The following DCAF17 variants were observed in gnomAD, a reference collection of about 807,000 sequenced individuals.
DCAF17 encodes DDB1- and CUL4-associated factor 17.
In DCAF17, 48 loss-of-function variants were observed where a neutral mutation model predicts 66.0. The ratio of observed to expected loss-of-function variants is 0.73; its 90% CI spans 0.58 to 0.92. DCAF17 has a LOEUF of 0.92. DCAF17 is among the 40% of genes least tolerant of loss of function. The probability of loss-of-function intolerance (pLI) is 0.00; values close to 1 mark genes in which losing one functional copy is unlikely to be tolerated. For missense variants in DCAF17, 562 were observed against 622.8 expected, an observed-to-expected ratio of 0.90 and a Z score of 1.04; for synonymous variants, 206 against 214.6, an observed-to-expected ratio of 0.96 and a Z score of 0.35.
intron 13 of DCAF17, among the ~76,000 whole-genome samples, 183 bp from the exon 14 acceptor site, chr2:171,480,791 G>A (rs1486529078): frequency 1.3e-5 from 2 of 152,092 alleles, no homozygotes; most frequent in African/African-American, 4.8e-5. Flanking sequence ...ATATTTTGTA[G>A]AATGCCTTTT....
At position 171,434,717 on chromosome 2, in the gene DCAF17, G is replaced by A. The variant is rs992902410; in HGVS notation, c.126+14G>A. 1 of 1,446,330 alleles carries A rather than the reference G, an allele frequency of 6.9e-7. No individual in the cohort carries two copies. The highest frequency in any genetic ancestry group is 9.0e-7 in the Non-Finnish European group (1 of 1,110,066). 89.6% of individuals were successfully genotyped at this position (1,446,330 alleles called of 1,614,324 possible). A position where few individuals can be genotyped will look rare whatever the true frequency, so the allele number is the denominator to read the frequency against. ...CTGGTGTGCCAGGTGACCGCCAGCC[G>A]GCCGGGGCGGGACGGAGGGCCGCGG... On this transcript the variant is annotated intron_variant, in intron 1 of 13. Coordinates refer to ENST00000375255, the MANE Select transcript of DCAF17 (RefSeq NM_025000.4).
rs1001965149 is a variant in DCAF17 at position 171,483,883 on chromosome 2, G to C, written c.*2769G>C. 6.6e-6 allele frequency: 3 copies of C among 453,930 alleles called. No homozygotes were observed. Among genetic ancestry groups the C allele is most frequent in the Non-Finnish European group, 1.3e-5 (3 of 226,802 alleles). The allele number at this position is 453,930 out of a possible 1,614,324, so 28.1% of individuals were successfully genotyped here. A position where few individuals can be genotyped will look rare whatever the true frequency, so the allele number is the denominator to read the frequency against. The stretch of plus-strand genomic sequence containing the variant: ...AAACATAACCAGATTTGTTCGGCAT[G>C]AACTTGTGCCAAATTTCCTCCAAAG... On this transcript the variant is annotated 3_prime_UTR_variant, in exon 14 of 14. Transcript: ENST00000375255.
rs1345910935 is a variant in DCAF17, at chr2:171,484,803, A to G, written c.*3689A>G. 4.4e-6 allele frequency: 2 copies of G among 453,956 alleles called. No individual in the cohort carries two copies. The highest frequency in any genetic ancestry group is 4.0e-5 in the African/African-American group (2 of 49,998). 28.1% of individuals were successfully genotyped at this position (453,956 alleles called of 1,614,324 possible). On this transcript the variant is annotated 3_prime_UTR_variant, in exon 14 of 14. Coordinates refer to ENST00000375255, the MANE Select transcript of DCAF17 (RefSeq NM_025000.4). ...TCTCATTCTTTTATATCAAAGGTTA[A>G]ATTTACCTGTTCTAAACTTCATATG...
chr2:171,454,902 A>G (rs530170664), intron 6 of DCAF17, among the ~76,000 whole-genome samples: 1 of 151,706 alleles, frequency 6.6e-6, no homozygotes, highest in African/African-American at 2.4e-5. Flanking sequence ...AAAAGTTTGA[A>G]TTGCACAAGT....
In DCAF17 at chr2:171,458,400, G is replaced by T. The variant is rs1329555281; in HGVS notation, c.761G>T (p.Cys254Phe). The change falls in exon 8 of 14, where the codon TGT becomes TTT. Residue 254 changes from cysteine (C) to phenylalanine (F), a missense_variant. Physicochemically the swap from Cys to Phe is radical, Grantham distance 205. Transcript: ENST00000375255. ...ATGCAACAGAAACTTGACTTAGGGT[G>T]TGCATGCAGATGGGGTGGGACTACT... is the stretch of plus-strand genomic sequence containing the variant. ...QFMQQKLDLG[C>F]ACRWGGTTGT... 2 of 1,613,888 alleles carry T rather than the reference G, an allele frequency of 1.2e-6. No individual in the cohort carries two copies. The highest frequency in any genetic ancestry group is 1.7e-6 in the Non-Finnish European group (2 of 1,179,960).
At position 171,471,299 on chromosome 2, in the gene DCAF17, C is replaced by T. The variant is rs529845532; in HGVS notation, c.981+2269C>T. Among the ~76,000 whole-genome samples the T allele has an allele frequency of 5.9e-5, 9 of 152,176 alleles. No individual in the cohort carries two copies. The East Asian group carries it at 9.6e-4, about 16-fold the overall frequency. On this transcript the variant is annotated intron_variant, in intron 9 of 13. Transcript: ENST00000375255. ...GATAACTAAAAAAAATGTAAGCAGCCGAACTTAAGATTTCAGAAAATGTTT... is the reference window on the plus strand; with the variant it reads ...GATAACTAAAAAAAATGTAAGCAGCTGAACTTAAGATTTCAGAAAATGTTT...
chr2:171,434,375 C>A lies in DCAF17; in HGVS notation c.-203C>A. On this transcript the variant is annotated 5_prime_UTR_variant, in exon 1 of 14. Coordinates refer to ENST00000375255, the MANE Select transcript of DCAF17 (RefSeq NM_025000.4). Reference sequence around the variant, plus strand: ...AAGGGAGTGCTTCTTCCCTTCTCTCCGCGCTCTGGCGGTGCAAGCGGCTCT... The same window carrying A: ...AAGGGAGTGCTTCTTCCCTTCTCTCAGCGCTCTGGCGGTGCAAGCGGCTCT... 1 of 879,154 alleles carries A rather than the reference C, an allele frequency of 1.1e-6. No homozygotes were observed. 54.5% of individuals were successfully genotyped at this position (879,154 alleles called of 1,614,324 possible).
chr2:171,458,030 C>CAGACTGG lies in DCAF17; in HGVS notation c.687_688insAGACTGG (p.Ser230ArgfsTer10). Reference sequence around the variant, plus strand: ...ATGGAATACTGATTGTGATGTACAGCTCAGGACTGGTCAGACTCTATAGCT... The same window carrying CAGACTGG: ...ATGGAATACTGATTGTGATGTACAGCAGACTGGTCAGGACTGGTCAGACTCTATAGCT... On this transcript the variant is annotated frameshift_variant, in exon 7 of 14. Coordinates refer to ENST00000375255, the MANE Select transcript of DCAF17 (RefSeq NM_025000.4). LOFTEE classifies it high-confidence loss of function. 1 of 1,614,120 alleles carries CAGACTGG rather than the reference C, an allele frequency of 6.2e-7. No individual in the cohort carries two copies. Among genetic ancestry groups the CAGACTGG allele is most frequent in the Non-Finnish European group, 8.5e-7 (1 of 1,179,992 alleles).
Position 171,453,174 on chromosome 2 carries a change from A to G in DCAF17, c.588A>G (p.Leu196=). The G allele has an allele frequency of 1.2e-6, 2 of 1,613,310 alleles. No individual in the cohort carries two copies. The part of the protein sequence containing the change: ...VLLYLAVFRV[L]PFSLVGILEI... The stretch of plus-strand genomic sequence containing the variant: ...TGTACCTTGCAGTGTTCCGAGTTCT[A>G]CCTTTTTCACTTGTAGGGATTCTAG... The change falls in exon 6 of 14, where the codon CTA becomes CTG. Residue 196 remains leucine, a synonymous_variant. Transcript: ENST00000375255.
intron 8 of DCAF17, among the ~76,000 whole-genome samples, chr2:171,466,939 A>C (rs1028436813): frequency 7.7e-5 from 11 of 143,540 alleles, no homozygotes; most frequent in Non-Finnish European, 1.5e-4. Flanking sequence ...TAATTTACCA[A>C]CTCATGCCTT....
chr2:171,468,790 A>G, intron 8 of DCAF17, 98 bp from the exon 9 acceptor site: 3 of 1,444,908 alleles, frequency 2.1e-6, no homozygotes, highest in South Asian at 1.2e-5. Flanking sequence ...ATAGAAATTT[A>G]TAGATGTTGC....
chr2:171,448,528 C>T (rs938307757), intron 3 of DCAF17, among the ~76,000 whole-genome samples, 153 bp from the exon 4 acceptor site: 2 of 152,158 alleles, frequency 1.3e-5, no homozygotes, highest in African/African-American at 4.8e-5. Context: ...TCTTATCTTT[C>T]CTTGTCTTAA....
chr2:171,457,849 T>C, intron 6 of DCAF17, 122 bp from the exon 7 acceptor site: 2 of 841,996 alleles, frequency 2.4e-6, no homozygotes, highest in Non-Finnish European at 4.2e-6. Context: ...GAGGTTTTAA[T>C]GCTAGGCGGC....
Position 171,448,721 on chromosome 2 carries a change from T to G in DCAF17, c.362T>G (p.Leu121Arg). 1 of 1,613,096 alleles carries G rather than the reference T, an allele frequency of 6.2e-7. No individual in the cohort carries two copies. ...LPNSSDYKSS[L>R]IALTAHNWLL... Reference sequence around the variant, plus strand: ...AATTCATCAGATTATAAGTCCTCACTCATAGCACTGACTGCTCATAATTGG... The same window carrying G: ...AATTCATCAGATTATAAGTCCTCACGCATAGCACTGACTGCTCATAATTGG... Residue 121 changes from leucine (L) to arginine (R), a missense_variant, in exon 4 of 14, where the codon CTC becomes CGC. By Grantham distance (102) the Leu-to-Arg change is moderately radical. Transcript: ENST00000375255.
chr2:171,451,207 C>G (rs1694933244), intron 5 of DCAF17, among the ~76,000 whole-genome samples: 1 of 152,042 alleles, frequency 6.6e-6, no homozygotes, highest in Non-Finnish European at 1.5e-5. Context: ...CTGTATGCCC[C>G]TGAAGCCAAG....
intron 9 of DCAF17, among the ~76,000 whole-genome samples, chr2:171,472,447 A>G (rs1351629918): frequency 1.3e-5 from 2 of 152,122 alleles, no homozygotes; most frequent in Admixed American, 1.3e-4. Context: ...CCAAAGTGCT[A>G]GGATTACAGG....
intron 2 of DCAF17, among the ~76,000 whole-genome samples, chr2:171,441,926 T>C (rs1320082609): frequency 1.3e-5 from 2 of 152,228 alleles, no homozygotes; most frequent in African/African-American, 2.4e-5. Context: ...CTGGACATGT[T>C]ATCTTATCAT....
intron 12 of DCAF17, among the ~76,000 whole-genome samples, chr2:171,478,855 A>C (rs1696618219): frequency 6.6e-6 from 1 of 152,230 alleles, no homozygotes; most frequent in Non-Finnish European, 1.5e-5. Flanking sequence ...ACAAAGAAGA[A>C]AGCAACATAC....
At chr2:171,458,169 C>A in intron 7 of DCAF17, 94 bp downstream of exon 7, 1 of 1,212,078 alleles carries the variant, frequency 8.3e-7, no homozygotes, top group Non-Finnish European at 1.2e-6. Context: ...TAGAGTAAGG[C>A]ACTTCTGTAG....
Sources: allele counts gnomAD v4.1 joint callset (sites outside exome capture counted in the v4.1 genomes callset), GRCh38; gene constraint gnomAD v4.1.1; transcripts MANE v1.5; gene names NCBI Gene and HGNC (gene_info 2026-07-23, HGNC 2026-07-21).